Variants in PLA2R1 observed in about 807,000 individuals in gnomAD.
PLA2R1 encodes phospholipase A2 receptor 1.
PLA2R1 carries 158 observed loss-of-function variants against 195.9 expected under a neutral mutation model. That is an observed-to-expected ratio of 0.81 (90% CI 0.71 to 0.92). The LOEUF is 0.92. Among genes scored for constraint, PLA2R1 ranks in the 40% least tolerant of loss-of-function variants. The pLI, the probability that PLA2R1 is intolerant of heterozygous loss-of-function variation, is 0.00. For missense variants in PLA2R1, 1,626 were observed against 1,764.6 expected (o/e 0.92, Z 1.41); for synonymous variants, 586 against 598.2 (o/e 0.98, Z 0.30).
the PLA2R1 span, among the ~76,000 whole-genome samples, chr2:159,925,094 G>A: frequency 1.3e-5 from 2 of 151,966 alleles, no homozygotes; most frequent in Non-Finnish European, 2.9e-5. Context: ...CGATACACAT[G>A]TATTTCTCCA....
At chr2:159,951,624 C>A in intron 23 of PLA2R1, 46 bp from the exon 24 acceptor site, 1 of 967,672 alleles carries the variant, frequency 1.0e-6, no homozygotes, top group African/African-American at 1.6e-5. Context: ...ATCTGGATGA[C>A]AAAGGAAGAG....
intron 10 of PLA2R1, among the ~76,000 whole-genome samples, chr2:160,012,216 TA>T (rs1357397791): frequency 6.6e-6 from 1 of 152,176 alleles, no homozygotes; most frequent in Non-Finnish European, 1.5e-5. Context: ...ATGGCCCAGG[TA>T]AATATGCAAG....
intron 12 of PLA2R1, among the ~76,000 whole-genome samples, chr2:159,985,654 A>G (rs1359079136): frequency 1.3e-5 from 2 of 152,210 alleles, no homozygotes; most frequent in African/African-American, 4.8e-5. Flanking sequence ...TGCAAAAGCT[A>G]TCCTTATTAG....
chr2:160,007,081 C>G (rs2105403102), intron 10 of PLA2R1, among the ~76,000 whole-genome samples: 1 of 152,268 alleles, frequency 6.6e-6, no homozygotes, highest in South Asian at 2.1e-4. Flanking sequence ...ACCTAAATAG[C>G]ACACATTTGA....
In PLA2R1 at chr2:159,984,073, C is replaced by T. The variant is rs149133741; in HGVS notation, c.2038G>A (p.Val680Ile). 6.2e-6 allele frequency: 9 copies of T among 1,443,732 alleles called. No individual in the cohort carries two copies. The highest frequency in any genetic ancestry group is 8.6e-6 in the Non-Finnish European group (9 of 1,040,912). The allele number at this position is 1,443,732 out of a possible 1,614,324, so 89.4% of individuals were successfully genotyped here. ...ATCAGAACTTTTTCACTATGAAATA[C>T]CTGTATAGTAAAAGAAAATAAATTA... ...SEPGLASCFK[V>I]FHSEKVLMKR... is the part of the protein sequence containing the mutation. The change falls in exon 13 of 30, where the codon GTA becomes ATA. Residue 680 changes from valine to isoleucine, a missense_variant and splice_region_variant. Physicochemically the swap from Val to Ile is conservative, Grantham distance 29. Coordinates refer to ENST00000283243, the MANE Select transcript of PLA2R1 (RefSeq NM_007366.5).
At chr2:160,062,253 T>G (rs879840642) in intron 1 of PLA2R1, 42 bp downstream of exon 1, 67 of 302,974 alleles carry the variant, frequency 2.2e-4, no homozygotes, top group Non-Finnish European at 2.8e-4. Context: ...CCGACCCCCC[T>G]CCCCAACGTA....
intron 11 of PLA2R1, among the ~76,000 whole-genome samples, chr2:159,990,160 AAAT>A (rs1272579445): frequency 6.6e-6 from 1 of 152,190 alleles, no homozygotes; most frequent in African/African-American, 2.4e-5. Context: ...TTGCAAAGCC[AAAT>A]AATAAGGGTA....
At chr2:159,962,110 G>T (rs375162010) in intron 20 of PLA2R1, among the ~76,000 whole-genome samples, 28 of 152,140 alleles carry the variant, frequency 1.8e-4, no homozygotes, top group African/African-American at 6.5e-4. Context: ...CTACAGAATG[G>T]GAGAAAATTT....
intron 19 of PLA2R1, 98 bp from the exon 20 acceptor site, chr2:159,967,776 A>G: frequency 1.0e-6 from 1 of 998,762 alleles, no homozygotes; most frequent in Non-Finnish European, 1.4e-6. Flanking sequence ...ATGGTTTTTC[A>G]TAATTTATTT....
Position 159,955,322 on chromosome 2 carries a change from C to A in PLA2R1, c.3178G>T (p.Val1060Phe). ...INIPSHNTTE[V>F]QKHIPLCALL... ...GCACAGAGAGGAATGTGTTTCTGAA[C>A]TTCAGTGGTATTGTGACTTGGAATC... Residue 1060 changes from valine (V) to phenylalanine (F), a missense_variant, in exon 23 of 30, where the codon GTT (valine) becomes TTT (phenylalanine). Transcript: ENST00000283243. 1.2e-6 allele frequency: 2 copies of A among 1,600,504 alleles called. No homozygotes were observed. The highest frequency in any genetic ancestry group is 1.7e-6 in the Non-Finnish European group (2 of 1,169,358).
intron 17 of PLA2R1, among the ~76,000 whole-genome samples, chr2:159,971,489 T>TAC (rs1023098586): frequency 1.8e-4 from 14 of 76,340 alleles, no homozygotes; most frequent in Admixed American, 4.1e-4. Flanking sequence ...CACACACACA[T>TAC]ACACACACAC....
chr2:160,013,049 G>T (rs1207227549), intron 10 of PLA2R1, among the ~76,000 whole-genome samples: 1 of 152,084 alleles, frequency 6.6e-6, no homozygotes, highest in Non-Finnish European at 1.5e-5. Flanking sequence ...GATAGTAAAG[G>T]TCACCTTAAA....
intron 21 of PLA2R1, among the ~76,000 whole-genome samples, chr2:159,956,269 T>G (rs1372075706): frequency 6.6e-6 from 1 of 152,204 alleles, no homozygotes; most frequent in Non-Finnish European, 1.5e-5. Flanking sequence ...CCTTATTCTT[T>G]CCACTGCTAC....
chr2:160,037,697 T>C (rs1281970727), intron 3 of PLA2R1, among the ~76,000 whole-genome samples: 2 of 152,200 alleles, frequency 1.3e-5, no homozygotes, highest in African/African-American at 2.4e-5. Context: ...TGCACATGTC[T>C]GTATCATGCA....
chr2:160,037,521 G>T (rs74457992), intron 3 of PLA2R1, among the ~76,000 whole-genome samples: 2,359 of 152,248 alleles, frequency 0.015, 74 homozygotes, highest in African/African-American at 0.054. Context: ...GGACAGGTGG[G>T]CGTATTTTAT....
At chr2:160,058,650 T>C (rs1437494873) in intron 1 of PLA2R1, among the ~76,000 whole-genome samples, 3 of 152,212 alleles carry the variant, frequency 2.0e-5, no homozygotes, top group African/African-American at 7.2e-5. Context: ...CTGTCCACTT[T>C]GTATCTGGAG....
Position 159,969,331 on chromosome 2 carries a change from G to A in PLA2R1, c.2689C>T (p.Gln897Ter), listed in dbSNP as rs777265733. The stretch of plus-strand genomic sequence containing the variant: ...CTTTCTCTTCCTGTGTCCCAGTTCT[G>A]GTATATCACTGGTGTTCCATCTCTC... ...RWRDGTPVIY[Q>*]NWDTGRERTV... is the part of the protein sequence containing the mutation. The change falls in exon 19 of 30, where the codon CAG becomes TAG. Residue 897 changes from glutamine to a stop codon, truncating the protein, a stop_gained. Transcript: ENST00000283243. LOFTEE classifies it high-confidence loss of function. 6.2e-7 allele frequency: 1 copy of A among 1,603,682 alleles called. No individual in the cohort carries two copies. Among genetic ancestry groups the A allele is most frequent in the Admixed American group, 1.7e-5 (1 of 59,918 alleles).
Position 159,951,526 on chromosome 2 carries a change from G to A in PLA2R1, c.3354C>T (p.Thr1118=). The A allele has an allele frequency of 1.9e-6, 3 of 1,605,358 alleles. No homozygotes were observed. Among genetic ancestry groups the A allele is most frequent in the Non-Finnish European group, 2.6e-6 (3 of 1,171,818 alleles). ...NTSDMYPMPN[T]LEYGNRTYKI... ...TGTAAGTTCTGTTTCCATATTCTAA[G>A]GTATTGGGCATTGGATACATATCAG... is the stretch of plus-strand genomic sequence containing the variant. The change falls in exon 24 of 30, where the codon ACC becomes ACT. Residue 1118 remains threonine (T), a synonymous_variant. Coordinates refer to ENST00000283243, the MANE Select transcript of PLA2R1 (RefSeq NM_007366.5).
intron 13 of PLA2R1, among the ~76,000 whole-genome samples, chr2:159,982,560 T>G (rs1471867362): frequency 2.0e-5 from 3 of 152,256 alleles, no homozygotes; most frequent in Non-Finnish European, 4.4e-5. Flanking sequence ...TACATTGTTT[T>G]GCAAACATAT....
Sources: allele counts gnomAD v4.1 joint callset (sites outside exome capture counted in the v4.1 genomes callset), GRCh38; gene constraint gnomAD v4.1.1; transcripts MANE v1.5; gene names NCBI Gene and HGNC (gene_info 2026-07-23, HGNC 2026-07-21).